ARID1B: variants seen among roughly 807,000 people sequenced by gnomAD.
The protein encoded by ARID1B is AT-rich interactive domain-containing protein 1B.
A neutral mutation model predicts 212.3 loss-of-function variants in ARID1B; 30 were observed. That is an observed-to-expected ratio of 0.14 (90% CI 0.11 to 0.19). The LOEUF (loss-of-function observed/expected upper bound fraction) is 0.19. Ranked by LOEUF, ARID1B falls within the 10% of genes least tolerant of loss-of-function variation. The pLI is 1.00. For synonymous variants in ARID1B, 1,402 were observed against 1,301.7 expected (o/e 1.08, Z -1.66); for missense variants, 2,891 against 3,204.0 (o/e 0.90, Z 2.36).
chr6:156,811,902 C>G (rs1781576218), intron 1 of ARID1B, among the ~76,000 whole-genome samples: 1 of 152,064 alleles, frequency 6.6e-6, no homozygotes, highest in African/African-American at 2.4e-5. Context: ...ATGCCTTCCC[C>G]AAAAAGCATC....
At chr6:157,159,187 G>C (rs1362628448) in intron 8 of ARID1B, among the ~76,000 whole-genome samples, 1 of 152,200 alleles carries the variant, frequency 6.6e-6, no homozygotes, top group Non-Finnish European at 1.5e-5. Flanking sequence ...TACCTTCACA[G>C]TATTGAGGTT....
chr6:156,979,013 T>A (rs556836480), intron 4 of ARID1B, among the ~76,000 whole-genome samples: 141 of 152,346 alleles, frequency 9.3e-4, no homozygotes, highest in African/African-American at 3.3e-3. Flanking sequence ...GCTTAATGAA[T>A]AAAAGATTTA....
At chr6:156,783,333 TAAA>T (rs66552722) in intron 1 of ARID1B, among the ~76,000 whole-genome samples, 1 of 145,052 alleles carries the variant, frequency 6.9e-6, no homozygotes, top group Non-Finnish European at 1.5e-5. Flanking sequence ...TTCTGATATT[TAAA>T]AAAAAAAAAC....
At chr6:156,883,987 T>C (rs1787310170) in intron 2 of ARID1B, among the ~76,000 whole-genome samples, 1 of 152,206 alleles carries the variant, frequency 6.6e-6, no homozygotes, top group Non-Finnish European at 1.5e-5. Context: ...CACTTGGAAC[T>C]GTTTTCTTTG....
chr6:156,896,597 AAAAG>A (rs1788409233), intron 2 of ARID1B, among the ~76,000 whole-genome samples: 2 of 149,316 alleles, frequency 1.3e-5, no homozygotes, highest in Non-Finnish European at 3.0e-5. Flanking sequence ...AAAAAAAAAA[AAAAG>A]AGGACACAGT....
At chr6:157,199,589 T>TATAATTATA (rs572186486) in intron 17 of ARID1B, among the ~76,000 whole-genome samples, 275 of 149,260 alleles carry the variant, frequency 1.8e-3, no homozygotes, top group African/African-American at 6.4e-3. Context: ...ATATATGTTA[T>TATAATTATA]ATAATTATAA....
intron 4 of ARID1B, among the ~76,000 whole-genome samples, chr6:157,055,680 C>G (rs1020783954): frequency 1.3e-5 from 2 of 152,166 alleles, no homozygotes; most frequent in Non-Finnish European, 2.9e-5. Context: ...TAAAACTATT[C>G]TTCCTGAGTA....
rs1261353379 is a variant in ARID1B at position 157,200,739 on chromosome 6, C to A, written c.4514C>A (p.Pro1505His). The change falls in exon 18 of 20, where the codon CCC (proline) becomes CAC (histidine). Residue 1505 changes from proline to histidine, a missense_variant. Transcript: ENST00000636930. This position sits in a 1 kb window ranked among gnomAD's most constrained non-coding sequence, Gnocchi z 4.3. ...YKRHMDGMYG[P>H]PAKRHEGDMY... ...CGCCATATGGACGGCATGTACGGGC[C>A]CCCAGCCAAGCGCCACGAGGGCGAC... 3 of 1,613,052 alleles carry A rather than the reference C, an allele frequency of 1.9e-6. No homozygotes were observed. Among genetic ancestry groups the A allele is most frequent in the Non-Finnish European group, 2.5e-6 (3 of 1,179,606 alleles).
intron 4 of ARID1B, chr6:156,943,389 G>T (rs1231724557): frequency 6.6e-6 from 1 of 150,840 alleles, no homozygotes. Context: ...ACTGAACTTT[G>T]TTTAAGCCTG....
Position 157,210,706 on chromosome 6 carries a change from CAA to C in ARID1B, c.*2828_*2829del, listed in dbSNP as rs201959218. On this transcript the variant is annotated 3_prime_UTR_variant, in exon 20 of 20. Coordinates refer to ENST00000636930, the MANE Select transcript of ARID1B (RefSeq NM_001374828.1). ...GGATGCCCAGACTTTACATGTGTAC[CAA>C]AAAAAAAAAAAAGATAAAAAATAAA... The C allele has an allele frequency of 5.2e-3, 955 of 182,210 alleles. No individual in the cohort carries two copies. The highest frequency in any genetic ancestry group is 0.013 in the Middle Eastern group (8 of 608). 11.3% of individuals were successfully genotyped at this position (182,210 alleles called of 1,614,324 possible).
At position 157,201,253 on chromosome 6, in the gene ARID1B, G is replaced by A. The variant is rs776881575; in HGVS notation, c.5028G>A (p.Ala1676=). Residue 1676 remains alanine, a synonymous_variant, in exon 18 of 20, where the codon GCG becomes GCA. Coordinates refer to ENST00000636930, the MANE Select transcript of ARID1B (RefSeq NM_001374828.1). The surrounding 1 kb of genome is among the most constrained non-coding windows in gnomAD (Gnocchi z 5.2). Reference sequence around the variant, plus strand: ...CACTGCCAAATCACATCTCCAGGGCGCCCAGCCCAGCGTCCTTCCAGCGCT... The same window carrying A: ...CACTGCCAAATCACATCTCCAGGGCACCCAGCCCAGCGTCCTTCCAGCGCT... ...PPSLPNHISR[A]PSPASFQRSL... is the part of the protein sequence containing the mutation. 2.2e-5 allele frequency: 36 copies of A among 1,613,730 alleles called. No individual in the cohort carries two copies. The South Asian group carries it at 2.9e-4, about 13-fold the overall frequency.
At chr6:156,861,832 G>A (rs1785355622) in intron 2 of ARID1B, among the ~76,000 whole-genome samples, 1 of 152,124 alleles carries the variant, frequency 6.6e-6, no homozygotes, top group Non-Finnish European at 1.5e-5. Context: ...GCTAGACAGG[G>A]AGCCTGAAAG....
chr6:156,908,780 C>T (rs1789617458), intron 3 of ARID1B, among the ~76,000 whole-genome samples: 1 of 151,750 alleles, frequency 6.6e-6, no homozygotes, highest in Non-Finnish European at 1.5e-5. Context: ...TTATTGAGGC[C>T]TGGGTTTGCA....
intron 4 of ARID1B, among the ~76,000 whole-genome samples, chr6:156,967,768 C>T (rs537784267): frequency 6.6e-6 from 1 of 151,992 alleles, no homozygotes. Flanking sequence ...TTTTTTATAA[C>T]GTAGACTTAT....
intron 4 of ARID1B, among the ~76,000 whole-genome samples, chr6:156,994,913 G>C (rs1236436849): frequency 6.6e-6 from 1 of 152,244 alleles, no homozygotes; most frequent in African/African-American, 2.4e-5. Context: ...GAACATGACG[G>C]TTGGGTTATT....
rs1208883079 is a variant in ARID1B, at chr6:157,018,212, C to CTTTTTTTTTTT, written c.2248-66438_2248-66428dup. ...GAATGTCTAAACAAAAAGTAGTATGCTTTTTTTTTTTTTTTTTTTTTTGAG... is the reference window on the plus strand; with the variant it reads ...GAATGTCTAAACAAAAAGTAGTATGCTTTTTTTTTTTTTTTTTTTTTTTTTTTTTTTTTGAG... On this transcript the variant is annotated intron_variant, in intron 4 of 19. Transcript: ENST00000636930. Among the ~76,000 whole-genome samples the CTTTTTTTTTTT allele has an allele frequency of 2.6e-3, 185 of 72,458 alleles. 39 individuals carry two copies. Among genetic ancestry groups the CTTTTTTTTTTT allele is most frequent in the African/African-American group, 0.012 (178 of 15,450 alleles). The allele number at this position is 72,458 out of a possible 152,430, so 47.5% of individuals were successfully genotyped here. A position where few individuals can be genotyped will look rare whatever the true frequency, so the allele number is the denominator to read the frequency against.
chr6:157,200,923 C>A lies in ARID1B; in HGVS notation c.4698C>A (p.Ile1566=), dbSNP rs748539331. The part of the protein sequence containing the change: ...QGPGQIQTHG[I]PPQMMGGPLQ... ...CGGGGCAGATCCAGACACACGGAAT[C>A]CCGCCTCAGATGATGGGCGGCCCGC... The change falls in exon 18 of 20, where the codon ATC becomes ATA. Residue 1566 remains isoleucine (I), a synonymous_variant. Transcript: ENST00000636930. This position sits in a 1 kb window ranked among gnomAD's most constrained non-coding sequence, Gnocchi z 4.3. The A allele has an allele frequency of 1.2e-6, 2 of 1,613,826 alleles. No individual in the cohort carries two copies. The highest frequency in any genetic ancestry group is 3.3e-5 in the Admixed American group (2 of 60,022).
chr6:156,980,523 C>G (rs1660742138), intron 4 of ARID1B, among the ~76,000 whole-genome samples: 1 of 146,914 alleles, frequency 6.8e-6, no homozygotes, highest in African/African-American at 2.5e-5. Flanking sequence ...AATCATTGAG[C>G]TCCTTTCTGT....
In ARID1B at chr6:157,128,464, A is replaced by G. The variant is rs537793645; in HGVS notation, c.2582-4564A>G. ...ATTGGGAGGCTGAGGTAGGAAAATCACTTGAAGCCAGGAGTTCGAGACCAG... is the reference window on the plus strand; with the variant it reads ...ATTGGGAGGCTGAGGTAGGAAAATCGCTTGAAGCCAGGAGTTCGAGACCAG... On this transcript the variant is annotated intron_variant, in intron 6 of 19. Transcript: ENST00000636930. Among the ~76,000 whole-genome samples the G allele has an allele frequency of 1.5e-4, 23 of 152,320 alleles. No homozygotes were observed. In the South Asian group the frequency reaches 2.3e-3, roughly 15 times the overall value.
Sources: allele counts gnomAD v4.1 joint callset (sites outside exome capture counted in the v4.1 genomes callset), GRCh38; gene constraint gnomAD v4.1.1; non-coding constraint Gnocchi (gnomAD v3.1); transcripts MANE v1.5; gene names NCBI Gene and HGNC (gene_info 2026-07-23, HGNC 2026-07-21).